The following ARID5B variants were observed in gnomAD, a reference collection of about 807,000 sequenced individuals.
The protein encoded by ARID5B is AT-rich interaction domain 5B, also known as AT-rich interactive domain-containing protein 5B.
A neutral mutation model predicts 97.2 loss-of-function variants in ARID5B; 13 were observed. That is an observed-to-expected ratio of 0.13 (90% CI 0.09 to 0.21). The LOEUF (loss-of-function observed/expected upper bound fraction) is 0.21. Among genes scored for constraint, ARID5B ranks in the 10% least tolerant of loss-of-function variants. The pLI is 1.00. For synonymous variants in ARID5B, 556 were observed against 570.3 expected (o/e 0.97, Z 0.36); for missense variants, 1,210 against 1,465.3 (o/e 0.83, Z 2.84).
intron 3 of ARID5B, among the ~76,000 whole-genome samples, chr10:61,980,378 G>A (rs140604731): frequency 6.6e-6 from 1 of 152,160 alleles, no homozygotes; most frequent in African/African-American, 2.4e-5. Context: ...TCCTTATGCT[G>A]CCTCTTCATA....
chr10:62,062,815 T>G (rs1839939362), intron 7 of ARID5B, among the ~76,000 whole-genome samples: 1 of 148,080 alleles, frequency 6.8e-6, no homozygotes, highest in South Asian at 2.1e-4. Context: ...GTATGCCTGC[T>G]GTGCCCCAGT....
chr10:62,032,053 G>A (rs973860508), intron 4 of ARID5B, among the ~76,000 whole-genome samples: 5 of 152,154 alleles, frequency 3.3e-5, no homozygotes, highest in African/African-American at 1.2e-4. Flanking sequence ...GTAGCCGGGC[G>A]CAGTGGTGTG....
intron 3 of ARID5B, among the ~76,000 whole-genome samples, chr10:61,961,899 C>A (rs926907510): frequency 6.6e-6 from 1 of 152,178 alleles, no homozygotes; most frequent in Non-Finnish European, 1.5e-5. Flanking sequence ...AGGCACTCAC[C>A]ACCACACCTG....
chr10:62,052,238 C>T (rs1839799902), intron 5 of ARID5B, among the ~76,000 whole-genome samples: 1 of 152,184 alleles, frequency 6.6e-6, no homozygotes, highest in Non-Finnish European at 1.5e-5. Flanking sequence ...GAATTAACTC[C>T]ACATGGATGC....
At chr10:62,074,773 G>T (rs1200210590) in intron 8 of ARID5B, among the ~76,000 whole-genome samples, 1 of 152,150 alleles carries the variant, frequency 6.6e-6, no homozygotes, top group African/African-American at 2.4e-5. Context: ...CAACTCCCTA[G>T]ACCAGTGCTA....
At chr10:62,065,155 A>G (rs1481424167) in intron 7 of ARID5B, among the ~76,000 whole-genome samples, 1 of 152,172 alleles carries the variant, frequency 6.6e-6, no homozygotes, top group Non-Finnish European at 1.5e-5. Context: ...CTTTTCACAG[A>G]GTCTCTTGGG....
intron 2 of ARID5B, among the ~76,000 whole-genome samples, chr10:61,922,479 T>G (rs1844033902): frequency 6.6e-6 from 1 of 152,178 alleles, no homozygotes; most frequent in South Asian, 2.1e-4. Context: ...GGCACATGCT[T>G]GTAGTCCCAG....
At chr10:62,080,659 G>A (rs889211659) in intron 8 of ARID5B, among the ~76,000 whole-genome samples, 1 of 152,090 alleles carries the variant, frequency 6.6e-6, no homozygotes, top group African/African-American at 2.4e-5. Context: ...GGCTGCAAAG[G>A]GAAATGTCTG....
At chr10:61,938,560 G>C (rs139222531) in intron 2 of ARID5B, among the ~76,000 whole-genome samples, 1,914 of 152,218 alleles carry the variant, frequency 0.013, 20 homozygotes, top group Non-Finnish European at 0.022. Flanking sequence ...GACAACTACA[G>C]ATCTTTTATT....
chr10:61,946,436 C>T (rs535064377), intron 3 of ARID5B, among the ~76,000 whole-genome samples: 1 of 152,268 alleles, frequency 6.6e-6, no homozygotes, highest in East Asian at 1.9e-4. Flanking sequence ...TGGGACAATC[C>T]TTCCTTCCTT....
chr10:61,937,928 T>A (rs1314251216), intron 2 of ARID5B, among the ~76,000 whole-genome samples: 2 of 152,194 alleles, frequency 1.3e-5, no homozygotes, highest in African/African-American at 2.4e-5. Context: ...TCAGATTTCC[T>A]TCTATGGCAT....
In ARID5B at chr10:62,092,569, C is replaced by G. The variant is rs1256883858; in HGVS notation, c.3106C>G (p.Pro1036Ala). ...KKARAVSPLD[P>A]SKEVSGKEKA... ...GGCCCGGGCAGTGTCTCCCTTAGAC[C>G]CATCCAAGGAGGTCTCTGGGAAGGA... The change falls in exon 10 of 10, where the codon CCA becomes GCA. Residue 1036 changes from proline to alanine, a missense_variant. By Grantham distance (27) the Pro-to-Ala change is conservative (BLOSUM62 -1). Coordinates refer to ENST00000279873, the MANE Select transcript of ARID5B (RefSeq NM_032199.3). The G allele has an allele frequency of 6.2e-7, 1 of 1,614,174 alleles. No homozygotes were observed. The highest frequency in any genetic ancestry group is 8.5e-7 in the Non-Finnish European group (1 of 1,180,034).
intron 2 of ARID5B, among the ~76,000 whole-genome samples, chr10:61,907,062 G>A (rs1030670918): frequency 5.9e-5 from 9 of 152,170 alleles, no homozygotes; most frequent in Non-Finnish European, 1.2e-4. Context: ...AAGTTTTTCC[G>A]TGTGAGGGAA....
chr10:61,944,701 GC>G lies in ARID5B; in HGVS notation c.502+4296del, dbSNP rs200815018. Among the ~76,000 whole-genome samples, 1,000 of 152,258 alleles carry G rather than the reference GC, an allele frequency of 6.6e-3. 4 individuals carry two copies. Among genetic ancestry groups the G allele is most frequent in the Middle Eastern group, 0.051 (15 of 294 alleles). On this transcript the variant is annotated intron_variant, in intron 3 of 9. Transcript: ENST00000279873. ...CTCTACAGGTTGACTTTTTATTGAAGCCCTTTGAGGCATACAACAGAATGTA... is the reference window on the plus strand; with the variant it reads ...CTCTACAGGTTGACTTTTTATTGAAGCCTTTGAGGCATACAACAGAATGTA...
chr10:62,024,753 T>A, intron 4 of ARID5B: 1 of 395,328 alleles, frequency 2.5e-6, no homozygotes, highest in Non-Finnish European at 4.5e-6. Flanking sequence ...CTAGAAAAGT[T>A]TTCACGGGTA....
intron 2 of ARID5B, among the ~76,000 whole-genome samples, chr10:61,939,015 G>GGGGGAGGAGGAAAAAGTCATGTTT (rs1312251951): frequency 1.7e-4 from 25 of 150,658 alleles, no homozygotes; most frequent in East Asian, 1.6e-3. Context: ...CGGTGGGGCA[G>GGGGGAGGAGGAAAAAGTCATGTTT]GGGGAGGAGG....
intron 4 of ARID5B, among the ~76,000 whole-genome samples, chr10:62,018,847 G>T (rs2278308): frequency 0.48 from 73,170 of 151,864 alleles, 17,793 homozygotes; most frequent in South Asian, 0.56. Flanking sequence ...GCTTTTATCA[G>T]GACAGCTGCC....
intron 3 of ARID5B, among the ~76,000 whole-genome samples, chr10:61,949,817 C>T (rs1838297872): frequency 6.6e-6 from 1 of 152,132 alleles, no homozygotes; most frequent in African/African-American, 2.4e-5. Context: ...GGTCCTATTC[C>T]TTGCTATGCC....
At chr10:61,962,124 A>G (rs774198639) in intron 3 of ARID5B, among the ~76,000 whole-genome samples, 59 of 152,238 alleles carry the variant, frequency 3.9e-4, no homozygotes, top group Non-Finnish European at 5.6e-4. Context: ...ACTGGCCCCA[A>G]ACAGTTATTG....
Sources: allele counts gnomAD v4.1 joint callset (sites outside exome capture counted in the v4.1 genomes callset), GRCh38; gene constraint gnomAD v4.1.1; transcripts MANE v1.5; gene names NCBI Gene and HGNC (gene_info 2026-07-23, HGNC 2026-07-21).